The following DTD1 variants were observed in gnomAD, a reference collection of about 807,000 sequenced individuals.
DTD1 encodes the protein D-tyrosyl-tRNA deacylase 1 homolog.
Under a neutral mutation model 25.6 loss-of-function variants are expected in DTD1, and 13 were observed. The observed-to-expected ratio is 0.51, with a 90% CI of 0.33 to 0.81. The LOEUF is 0.81. DTD1 is among the 30% of genes least tolerant of loss of function. DTD1 has a pLI of 0.02. For missense variants in DTD1, 193 were observed against 266.4 expected, an observed-to-expected ratio of 0.72 and a Z score of 1.92; for synonymous variants, 110 against 103.6, an observed-to-expected ratio of 1.06 and a Z score of -0.37.
intron 4 of DTD1, among the ~76,000 whole-genome samples, chr20:18,688,586 C>T (rs867083418): frequency 2.0e-5 from 3 of 151,898 alleles, no homozygotes; most frequent in Admixed American, 6.6e-5. Context: ...CGGACTACAG[C>T]GTAACACTTT....
intron 5 of DTD1, among the ~76,000 whole-genome samples, chr20:18,748,709 G>A (rs1385606650): frequency 6.6e-6 from 1 of 152,202 alleles, no homozygotes; most frequent in Non-Finnish European, 1.5e-5. Flanking sequence ...CAGTGTCTAA[G>A]TTTACGAGGG....
intron 4 of DTD1, among the ~76,000 whole-genome samples, chr20:18,679,732 G>C (rs553625441): frequency 6.6e-6 from 1 of 152,316 alleles, no homozygotes; most frequent in South Asian, 2.1e-4. Context: ...GTTTATTAAA[G>C]AGACATGAAT....
At chr20:18,722,159 C>T (rs1364143470) in intron 4 of DTD1, among the ~76,000 whole-genome samples, 1 of 152,258 alleles carries the variant, frequency 6.6e-6, no homozygotes, top group Non-Finnish European at 1.5e-5. Flanking sequence ...CATCCCCACT[C>T]TCCTCTAGCT....
intron 1 of DTD1, 143 bp from the exon 2 acceptor site, chr20:18,593,588 T>A: frequency 1.6e-6 from 1 of 618,266 alleles, no homozygotes; most frequent in Non-Finnish European, 3.0e-6. Context: ...TGTAACTCTT[T>A]TCATTTTCGA....
At chr20:18,649,056 A>G (rs1411878045) in intron 4 of DTD1, among the ~76,000 whole-genome samples, 2 of 150,658 alleles carry the variant, frequency 1.3e-5, no homozygotes, top group Admixed American at 6.6e-5. Context: ...CCAGAATTAC[A>G]CAGTTTGTAT....
At chr20:18,647,326 GT>G (rs1401101344) in intron 4 of DTD1, among the ~76,000 whole-genome samples, 2 of 152,202 alleles carry the variant, frequency 1.3e-5, no homozygotes, top group East Asian at 3.9e-4. Context: ...ATAAGCCATG[GT>G]TTTTTTCTTC....
intron 4 of DTD1, among the ~76,000 whole-genome samples, chr20:18,683,128 A>G (rs1311585149): frequency 6.6e-6 from 1 of 152,316 alleles, no homozygotes; most frequent in African/African-American, 2.4e-5. Flanking sequence ...TGCCATTTGT[A>G]AACCAGGCAG....
chr20:18,720,414 C>G (rs1040604570), intron 4 of DTD1, among the ~76,000 whole-genome samples: 1 of 152,176 alleles, frequency 6.6e-6, no homozygotes, highest in African/African-American at 2.4e-5. Context: ...ATAAACTTAG[C>G]TTTTGTCCCT....
At chr20:18,673,631 T>TA (rs201498274) in intron 4 of DTD1, among the ~76,000 whole-genome samples, 1 of 152,188 alleles carries the variant, frequency 6.6e-6, no homozygotes, top group African/African-American at 2.4e-5. Context: ...AAAATGACGT[T>TA]AAAAAAATAC....
chr20:18,689,935 A>G (rs1213196512), intron 4 of DTD1, among the ~76,000 whole-genome samples: 1 of 150,740 alleles, frequency 6.6e-6, no homozygotes, highest in African/African-American at 2.4e-5. Flanking sequence ...CCAAGAGTTA[A>G]AGACCAGCCT....
chr20:18,695,352 A>ATC (rs1194759093), intron 4 of DTD1, among the ~76,000 whole-genome samples: 1 of 131,248 alleles, frequency 7.6e-6, no homozygotes, highest in Non-Finnish European at 1.7e-5. Flanking sequence ...GGAGAAAGCA[A>ATC]TGCAGGTCTC....
chr20:18,708,200 T>G (rs149833154), intron 4 of DTD1, among the ~76,000 whole-genome samples: 23,839 of 47,882 alleles, frequency 0.5, 5,736 homozygotes, highest in Non-Finnish European at 0.61. Context: ...ATATATTATA[T>G]ATATATTTTA....
chr20:18,738,835 C>T (rs1486834945), intron 4 of DTD1, among the ~76,000 whole-genome samples: 2 of 152,234 alleles, frequency 1.3e-5, no homozygotes, highest in Non-Finnish European at 2.9e-5. Flanking sequence ...GATCATTCAA[C>T]TACTATCAGG....
At chr20:18,751,087 G>A (rs961317320) in intron 5 of DTD1, among the ~76,000 whole-genome samples, 1 of 152,228 alleles carries the variant, frequency 6.6e-6, no homozygotes, top group African/African-American at 2.4e-5. Context: ...GTGTGTGTGG[G>A]TGTGTGTTTT....
chr20:18,708,433 G>A (rs1349173018), intron 4 of DTD1, among the ~76,000 whole-genome samples: 1 of 139,712 alleles, frequency 7.2e-6, no homozygotes. Context: ...TCAGCTCACT[G>A]CAACCTTCAC....
At chr20:18,670,275 G>A (rs2122388346) in intron 4 of DTD1, among the ~76,000 whole-genome samples, 1 of 152,264 alleles carries the variant, frequency 6.6e-6, no homozygotes, top group South Asian at 2.1e-4. Context: ...GGCCAACATG[G>A]CAAAACTCCA....
chr20:18,616,687 G>A (rs2060710211), intron 3 of DTD1, among the ~76,000 whole-genome samples: 1 of 152,146 alleles, frequency 6.6e-6, no homozygotes, highest in Non-Finnish European at 1.5e-5. Context: ...CACGCCTATA[G>A]TCCCAGCTAA....
chr20:18,653,972 G>A (rs193071943), intron 4 of DTD1, among the ~76,000 whole-genome samples: 214 of 152,322 alleles, frequency 1.4e-3, no homozygotes, highest in African/African-American at 4.8e-3. Context: ...TGAGAGAGCT[G>A]GATCCCAATA....
At chr20:18,613,273 C>T (rs960971878) in intron 3 of DTD1, among the ~76,000 whole-genome samples, 2 of 152,210 alleles carry the variant, frequency 1.3e-5, no homozygotes, top group African/African-American at 4.8e-5. Context: ...TGATGCAGTT[C>T]CTGCCCTAAA....
Sources: gnomAD v4.1 joint callset for allele counts (sites outside exome capture counted in the v4.1 genomes callset) on GRCh38, gnomAD v4.1.1 for gene constraint, MANE v1.5 for transcripts, NCBI Gene and HGNC (gene_info 2026-07-23, HGNC 2026-07-21) for gene names.